The following PCDHGB3 variants were observed in gnomAD, a reference collection of about 807,000 sequenced individuals.
PCDHGB3 encodes the protein protocadherin gamma subfamily B, 3.
PCDHGB3 carries 40 observed loss-of-function variants against 59.2 expected under a neutral mutation model. The observed-to-expected ratio is 0.68, with a 90% confidence interval of 0.52 to 0.88. PCDHGB3 has a LOEUF of 0.88. Ranked by LOEUF, PCDHGB3 falls within the 40% of genes least tolerant of loss-of-function variation. The pLI, the probability that PCDHGB3 is intolerant of heterozygous loss-of-function variation, is 0.00. For missense variants in PCDHGB3, 1,309 were observed against 1,187.9 expected (o/e 1.10, Z -1.50); for synonymous variants, 581 against 503.6 (o/e 1.15, Z -2.06).
chr5:141,477,219 G>A lies in PCDHGB3; in HGVS notation c.2416-17588G>A. ...CCAGTACCCGAGGATGCCCCTCTGG[G>A]GACTGTCATCGCTTTGCTCAGTGTG... On this transcript the variant is annotated intron_variant, in intron 1 of 3. Coordinates refer to ENST00000576222, the MANE Select transcript of PCDHGB3 (RefSeq NM_018924.5). The surrounding 1 kb of genome is among the most constrained non-coding windows in gnomAD (Gnocchi z 4.9). 1 of 1,614,162 alleles carries A rather than the reference G, an allele frequency of 6.2e-7. No homozygotes were observed. The highest frequency in any genetic ancestry group is 8.5e-7 in the Non-Finnish European group (1 of 1,180,038).
intron 1 of PCDHGB3, chr5:141,404,311 T>G (rs746092761): frequency 1.9e-6 from 3 of 1,613,924 alleles, no homozygotes. Flanking sequence ...CTGCTTTCTC[T>G]CAAGCCTCCT....
At chr5:141,422,618 A>G in intron 1 of PCDHGB3, 3 of 1,613,682 alleles carry the variant, frequency 1.9e-6, no homozygotes, top group Non-Finnish European at 2.5e-6. Flanking sequence ...TACATTCCCG[A>G]AAACAACCCC....
chr5:141,433,209 T>A, intron 1 of PCDHGB3: 3 of 465,024 alleles, frequency 6.5e-6, no homozygotes, highest in South Asian at 1.0e-4. Context: ...ATCTTCTTTC[T>A]TTTTTTTTTT....
intron 1 of PCDHGB3, chr5:141,478,782 T>C: frequency 6.7e-7 from 1 of 1,485,212 alleles, no homozygotes. Context: ...GTGGACCTAA[T>C]TCACATCCTC....
chr5:141,492,553 G>C (rs1184580300), intron 1 of PCDHGB3, among the ~76,000 whole-genome samples: 1 of 152,148 alleles, frequency 6.6e-6, no homozygotes, highest in Non-Finnish European at 1.5e-5. Flanking sequence ...CGGGTCGCCT[G>C]GGGGGCGGCC....
At position 141,370,847 on chromosome 5, in the gene PCDHGB3, A is replaced by G. The variant is rs372882282; in HGVS notation, c.453A>G (p.Thr151=). Residue 151 remains threonine, a synonymous_variant, in exon 1 of 4, where the codon ACA becomes ACG. Transcript: ENST00000576222. The part of the protein sequence containing the change: ...EISELALTGA[T]FALESAQDPD... ...GCGAACTGGCTCTCACTGGAGCCAC[A>G]TTTGCCCTGGAATCTGCGCAAGATC... The G allele has an allele frequency of 1.2e-6, 2 of 1,614,046 alleles. No individual in the cohort carries two copies. The highest frequency in any genetic ancestry group is 1.7e-6 in the Non-Finnish European group (2 of 1,179,896).
At chr5:141,405,394 C>A (rs761584699) in intron 1 of PCDHGB3, 7 of 1,593,014 alleles carry the variant, frequency 4.4e-6, no homozygotes, top group Non-Finnish European at 6.0e-6. Context: ...CATTTTTTTT[C>A]TTTCTTTCTT....
intron 1 of PCDHGB3, among the ~76,000 whole-genome samples, chr5:141,458,513 G>GTT (rs537551567): frequency 7.5e-5 from 11 of 146,196 alleles, no homozygotes; most frequent in African/African-American, 2.2e-4. Flanking sequence ...TTGACACTTT[G>GTT]TTTTTTTTTT....
At chr5:141,408,791 G>C (rs1260366830) in intron 1 of PCDHGB3, 1 of 1,612,540 alleles carries the variant, frequency 6.2e-7, no homozygotes, top group East Asian at 2.2e-5. Context: ...GTTATCTCTG[G>C]AGAAACTCCT....
At chr5:141,409,729 G>A (rs781234442) in intron 1 of PCDHGB3, 161 of 1,612,966 alleles carry the variant, frequency 1.0e-4, no homozygotes, top group Non-Finnish European at 1.7e-6. Context: ...CAGTGAGCGC[G>A]CAGAGCGGGG....
intron 1 of PCDHGB3, among the ~76,000 whole-genome samples, chr5:141,445,531 C>A (rs1476079791): frequency 6.6e-6 from 1 of 152,136 alleles, no homozygotes; most frequent in Non-Finnish European, 1.5e-5. Flanking sequence ...TGATAAAAGC[C>A]AACAAGGAGA....
At chr5:141,506,382 G>T (rs1311307230) in intron 3 of PCDHGB3, among the ~76,000 whole-genome samples, 1 of 151,500 alleles carries the variant, frequency 6.6e-6, no homozygotes, top group East Asian at 1.9e-4. Flanking sequence ...CTGGGAGGTG[G>T]CTGTGGTGAG....
At chr5:141,499,168 C>T (rs1169979036) in intron 2 of PCDHGB3, among the ~76,000 whole-genome samples, 3 of 152,184 alleles carry the variant, frequency 2.0e-5, no homozygotes, top group African/African-American at 7.2e-5. Context: ...GTCTCAAGCT[C>T]TGAGCCCAGC....
intron 1 of PCDHGB3, among the ~76,000 whole-genome samples, chr5:141,436,350 C>T (rs1034303123): frequency 5.9e-5 from 9 of 152,126 alleles, no homozygotes; most frequent in Non-Finnish European, 1.3e-4. Flanking sequence ...TCAGTGACTT[C>T]AATCAACTAT....
At chr5:141,398,372 G>C in intron 1 of PCDHGB3, 1 of 1,437,202 alleles carries the variant, frequency 7.0e-7, no homozygotes, top group Non-Finnish European at 9.7e-7. Context: ...GCAGAGAGCG[G>C]GGAGTTGCTT....
intron 1 of PCDHGB3, chr5:141,427,571 G>T (rs1199845374): frequency 9.1e-6 from 6 of 662,944 alleles, no homozygotes; most frequent in Non-Finnish European, 1.7e-5. Context: ...GCAAGCCTCC[G>T]CTCTCATCCA....
At chr5:141,418,876 C>A (rs917800201) in intron 1 of PCDHGB3, 1 of 1,613,844 alleles carries the variant, frequency 6.2e-7, no homozygotes. Context: ...AAGTTGTAGA[C>A]GAAAACGACA....
At chr5:141,405,027 A>G (rs1402992376) in intron 1 of PCDHGB3, 1 of 1,613,252 alleles carries the variant, frequency 6.2e-7, no homozygotes, top group Non-Finnish European at 8.5e-7. Context: ...CTTACCCTCT[A>G]CCTCGTTGTG....
rs1562142740 is a variant in PCDHGB3, at chr5:141,490,958, ACT to A, written c.2416-3847_2416-3846del. 1 of 1,613,728 alleles carries A rather than the reference ACT, an allele frequency of 6.2e-7. No homozygotes were observed. Among genetic ancestry groups the A allele is most frequent in the Non-Finnish European group, 8.5e-7 (1 of 1,179,830 alleles). On this transcript the variant is annotated intron_variant, in intron 1 of 3. Transcript: ENST00000576222. The surrounding 1 kb of genome is among the most constrained non-coding windows in gnomAD (Gnocchi z 5.4). Reference sequence around the variant, plus strand: ...CTGCACCCACGGCCAGACTGGGAACACTCAGCCCCCCAGCGTCTCCCTCGCTC... The same window carrying A: ...CTGCACCCACGGCCAGACTGGGAACACAGCCCCCCAGCGTCTCCCTCGCTC...
Sources: gnomAD v4.1 joint callset for allele counts (sites outside exome capture counted in the v4.1 genomes callset) on GRCh38, gnomAD v4.1.1 for gene constraint, Gnocchi (gnomAD v3.1) non-coding constraint, MANE v1.5 for transcripts, NCBI Gene and HGNC (gene_info 2026-07-23, HGNC 2026-07-21) for gene names.